Variants in FKTN observed in about 807,000 individuals in gnomAD.
FKTN encodes the protein ribitol-5-phosphate transferase FKTN.
FKTN carries 47 observed loss-of-function variants against 58.6 expected under a neutral mutation model. The observed-to-expected ratio is 0.80, with a 90% CI of 0.63 to 1.02. FKTN has a LOEUF of 1.02. Among genes scored for constraint, FKTN ranks in the 50% least tolerant of loss-of-function variants. FKTN has a pLI of 0.00. For synonymous variants in FKTN, 178 were observed against 191.9 expected, an observed-to-expected ratio of 0.93 and a Z score of 0.60; for missense variants, 516 against 537.3, an observed-to-expected ratio of 0.96 and a Z score of 0.39.
rs865987189 is a variant in FKTN, at chr9:105,563,606, G to C, written c.-181+5441G>C. 5.1e-3 allele frequency among the ~76,000 whole-genome samples: 770 copies of C among 152,188 alleles called. 10 individuals carry two copies. Among genetic ancestry groups the C allele is most frequent in the African/African-American group, 0.018 (728 of 41,492 alleles). On this transcript the variant is annotated intron_variant, in intron 1 of 10. Transcript: ENST00000357998. ...CAACGTGGCAGCGAGGCTGGGGGGG[G>C]GGGCACCCGCCATTGCTGAGGCTTG... is the stretch of plus-strand genomic sequence containing the variant.
At chr9:105,565,867 C>T (rs563688453) in intron 1 of FKTN, among the ~76,000 whole-genome samples, 1 of 152,330 alleles carries the variant, frequency 6.6e-6, no homozygotes, top group South Asian at 2.1e-4. Context: ...CACCACACCA[C>T]ACTTACTCCA....
intron 8 of FKTN, among the ~76,000 whole-genome samples, chr9:105,616,420 TC>T: frequency 6.6e-6 from 1 of 152,280 alleles, no homozygotes; most frequent in East Asian, 1.9e-4. Context: ...ATTGGTAGTA[TC>T]ACTAACTAGA....
chr9:105,593,615 G>A (rs1206883834), intron 3 of FKTN, among the ~76,000 whole-genome samples: 2 of 152,074 alleles, frequency 1.3e-5, no homozygotes, highest in Admixed American at 6.6e-5. Context: ...TAAAGGGGGA[G>A]AAAGAAAGTG....
intron 1 of FKTN, among the ~76,000 whole-genome samples, chr9:105,567,148 CAAAAT>C (rs1839807100): frequency 6.6e-6 from 1 of 152,114 alleles, no homozygotes; most frequent in Non-Finnish European, 1.5e-5. Flanking sequence ...GGACGTATCT[CAAAAT>C]AATAAGAGCC....
intron 8 of FKTN, among the ~76,000 whole-genome samples, chr9:105,616,702 T>C (rs1280525183): frequency 6.6e-6 from 1 of 152,202 alleles, no homozygotes; most frequent in African/African-American, 2.4e-5. Flanking sequence ...TTTATAGGGA[T>C]AGGGTTGCCA....
At chr9:105,577,219 T>C (rs1467856276) in intron 3 of FKTN, among the ~76,000 whole-genome samples, 1 of 150,590 alleles carries the variant, frequency 6.6e-6, no homozygotes, top group African/African-American at 2.5e-5. Flanking sequence ...TTGCTTTTGG[T>C]GTTTTGGACA....
intron 10 of FKTN, among the ~76,000 whole-genome samples, chr9:105,627,160 T>C (rs1229676326): frequency 2.0e-5 from 3 of 151,880 alleles, no homozygotes; most frequent in African/African-American, 7.3e-5. Flanking sequence ...TTAGTAGAGA[T>C]GGGGTTTCAC....
At chr9:105,577,208 A>G (rs1841902360) in intron 3 of FKTN, among the ~76,000 whole-genome samples, 1 of 150,610 alleles carries the variant, frequency 6.6e-6, no homozygotes, top group Non-Finnish European at 1.5e-5. Flanking sequence ...TTTTGTTGCT[A>G]TTGCTTTTGG....
In FKTN at chr9:105,604,703, C is replaced by T. The variant is rs143409155; in HGVS notation, c.647+211C>T. ...GGCACTGTGGCTCATGCATGTAATC[C>T]CAGCACTTTGGGAGGCCGAGGTGGG... On this transcript the variant is annotated intron_variant, in intron 6 of 10. Coordinates refer to ENST00000357998, the MANE Select transcript of FKTN (RefSeq NM_001079802.2). 2.6e-5 allele frequency among the ~76,000 whole-genome samples: 4 copies of T among 152,098 alleles called. No homozygotes were observed. The East Asian group carries it at 7.7e-4, about 29-fold the overall frequency.
At chr9:105,624,898 A>G (rs1832564832) in intron 10 of FKTN, among the ~76,000 whole-genome samples, 1 of 152,152 alleles carries the variant, frequency 6.6e-6, no homozygotes, top group Non-Finnish European at 1.5e-5. Flanking sequence ...TCTGAGTTCT[A>G]TTTTTTTGTG....
chr9:105,619,704 A>G (rs1564330716), intron 9 of FKTN, among the ~76,000 whole-genome samples: 1 of 152,124 alleles, frequency 6.6e-6, no homozygotes, highest in African/African-American at 2.4e-5. Context: ...CTGAGTTATC[A>G]TCAATTGTAA....
chr9:105,608,059 C>T (rs1002667780), intron 7 of FKTN, 108 bp downstream of exon 7: 2 of 908,348 alleles, frequency 2.2e-6, no homozygotes, highest in Non-Finnish European at 1.8e-6. Context: ...GAAAAGTAAA[C>T]ATCCTTTTTT....
chr9:105,640,423 C>T lies in FKTN; in HGVS notation c.*5159C>T. The T allele has an allele frequency of 3.9e-6, 1 of 258,776 alleles. No homozygotes were observed. Among genetic ancestry groups the T allele is most frequent in the South Asian group, 7.5e-5 (1 of 13,272 alleles). 16.0% of individuals were successfully genotyped at this position (258,776 alleles called of 1,614,324 possible). On this transcript the variant is annotated 3_prime_UTR_variant, in exon 11 of 11. Coordinates refer to ENST00000357998, the MANE Select transcript of FKTN (RefSeq NM_001079802.2). ...AAAAAATTAGCTGGGCATGGTGGTG[C>T]ACGCCTATAGTCCCAGCTACACAGG...
At position 105,638,167 on chromosome 9, in the gene FKTN, C is replaced by T. The variant is rs145079267; in HGVS notation, c.*2903C>T. On this transcript the variant is annotated 3_prime_UTR_variant, in exon 11 of 11. Transcript: ENST00000357998. ...AGCTGAGGCTAAAACCCAAGACTGC[C>T]GTGACTCCTAGTCCAATGTCTGTTT... is the stretch of plus-strand genomic sequence containing the variant. 10 of 985,248 alleles carry T rather than the reference C, an allele frequency of 1.0e-5. No homozygotes were observed. The African/African-American group carries it at 1.6e-4, about 15-fold the overall frequency. The allele number at this position is 985,248 out of a possible 1,614,324, so 61.0% of individuals were successfully genotyped here.
chr9:105,591,168 A>T (rs542474491), intron 3 of FKTN, among the ~76,000 whole-genome samples: 1 of 152,214 alleles, frequency 6.6e-6, no homozygotes, highest in Admixed American at 6.5e-5. Context: ...GATCTAAACC[A>T]TATTATTCTG....
chr9:105,604,610 A>C, intron 6 of FKTN, 118 bp downstream of exon 6: 1 of 831,020 alleles, frequency 1.2e-6, no homozygotes, highest in Non-Finnish European at 1.9e-6. Flanking sequence ...TATTTACAGT[A>C]ACATTATTCT....
intron 3 of FKTN, among the ~76,000 whole-genome samples, chr9:105,586,080 G>A (rs923857218): frequency 2.0e-5 from 3 of 152,194 alleles, no homozygotes; most frequent in East Asian, 1.9e-4. Context: ...CTACCTTGGA[G>A]TTTAAGGAGA....
chr9:105,561,925 AT>A (rs199866193), intron 1 of FKTN, among the ~76,000 whole-genome samples: 5,329 of 142,286 alleles, frequency 0.037, 156 homozygotes, highest in African/African-American at 0.087. Context: ...AAAAATGTCG[AT>A]TTTTTTTTTT....
At chr9:105,578,869 A>G (rs1204618458) in intron 3 of FKTN, among the ~76,000 whole-genome samples, 2 of 151,674 alleles carry the variant, frequency 1.3e-5, no homozygotes, top group East Asian at 1.9e-4. Flanking sequence ...GTCTATTCAG[A>G]GATTCAACTT....
Sources: gnomAD v4.1 joint callset for allele counts (sites outside exome capture counted in the v4.1 genomes callset) on GRCh38, gnomAD v4.1.1 for gene constraint, MANE v1.5 for transcripts, NCBI Gene and HGNC (gene_info 2026-07-23, HGNC 2026-07-21) for gene names.